PIK3CB: variants seen among roughly 807,000 people sequenced by gnomAD.
PIK3CB encodes phosphatidylinositol 4,5-bisphosphate 3-kinase catalytic subunit beta isoform.
Under a neutral mutation model 136.8 loss-of-function variants are expected in PIK3CB, and 39 were observed. The observed-to-expected ratio is 0.29, with a 90% CI of 0.22 to 0.37. The LOEUF (loss-of-function observed/expected upper bound fraction) is 0.37, where lower values mean the gene tolerates loss of function less well. Ranked by LOEUF, PIK3CB falls within the 10% of genes least tolerant of loss-of-function variation. The pLI is 1.00. For synonymous variants in PIK3CB, 428 were observed against 436.6 expected (o/e 0.98, Z 0.25); for missense variants, 868 against 1,275.4 (o/e 0.68, Z 4.87).
At chr3:138,722,500 G>A (rs1447851000) in intron 8 of PIK3CB, among the ~76,000 whole-genome samples, 4 of 151,970 alleles carry the variant, frequency 2.6e-5, no homozygotes, top group Non-Finnish European at 5.9e-5. Context: ...TTATTTTTCA[G>A]TGTTCTGGTG....
intron 14 of PIK3CB, among the ~76,000 whole-genome samples, chr3:138,693,881 G>C (rs889059577): frequency 7.2e-6 from 1 of 139,322 alleles, no homozygotes; most frequent in African/African-American, 2.7e-5. Context: ...AAGTAATCAA[G>C]ACTGGATAAG....
chr3:138,826,499 GTTTTTT>G (rs34843148), intron 1 of PIK3CB, among the ~76,000 whole-genome samples: 1 of 95,932 alleles, frequency 1.0e-5, no homozygotes, highest in Admixed American at 1.2e-4. Context: ...GACCATTTGG[GTTTTTT>G]TTTTTTTTTT....
chr3:138,790,527 G>A (rs1305572571), intron 2 of PIK3CB, among the ~76,000 whole-genome samples: 1 of 150,816 alleles, frequency 6.6e-6, no homozygotes, highest in Admixed American at 6.6e-5. Context: ...CCCTGAGACC[G>A]GGCACGGTGG....
intron 13 of PIK3CB, among the ~76,000 whole-genome samples, chr3:138,698,660 T>C (rs1262916171): frequency 6.6e-6 from 1 of 152,196 alleles, no homozygotes; most frequent in African/African-American, 2.4e-5. Flanking sequence ...TGATAGATAA[T>C]TGTCCCAAGA....
intron 8 of PIK3CB, among the ~76,000 whole-genome samples, chr3:138,731,633 C>T (rs2044975771): frequency 6.6e-6 from 1 of 152,006 alleles, no homozygotes; most frequent in South Asian, 2.1e-4. Flanking sequence ...AAGATAAAAA[C>T]AGGATTACCA....
chr3:138,677,047 T>C (rs554790961), intron 19 of PIK3CB, among the ~76,000 whole-genome samples: 1 of 147,606 alleles, frequency 6.8e-6, no homozygotes, highest in Non-Finnish European at 1.5e-5. Context: ...CCAGCTAAAC[T>C]ATTATGCAAG....
At chr3:138,697,421 G>GATTT (rs61693073) in intron 13 of PIK3CB, among the ~76,000 whole-genome samples, 8,902 of 150,860 alleles carry the variant, frequency 0.059, 619 homozygotes, top group African/African-American at 0.17. Context: ...TGTCTCCAAA[G>GATTT]ATTTATTTAT....
chr3:138,817,231 A>G (rs1018819894), intron 1 of PIK3CB, among the ~76,000 whole-genome samples: 2 of 152,130 alleles, frequency 1.3e-5, no homozygotes, highest in Admixed American at 6.5e-5. Flanking sequence ...CCAGCTACTC[A>G]GGAGGCTGAG....
At chr3:138,736,608 G>C (rs2108650486) in intron 6 of PIK3CB, among the ~76,000 whole-genome samples, 1 of 152,264 alleles carries the variant, frequency 6.6e-6, no homozygotes, top group Admixed American at 6.5e-5. Flanking sequence ...CAAGGACCTA[G>C]TCTTTAAACA....
At chr3:138,708,096 A>C (rs1402534180) in intron 10 of PIK3CB, among the ~76,000 whole-genome samples, 1 of 152,030 alleles carries the variant, frequency 6.6e-6, no homozygotes, top group Non-Finnish European at 1.5e-5. Context: ...TGTATCTCCT[A>C]AGGAAAAAAA....
chr3:138,820,644 C>A (rs551459389), intron 1 of PIK3CB, among the ~76,000 whole-genome samples: 1 of 152,112 alleles, frequency 6.6e-6, no homozygotes, highest in Non-Finnish European at 1.5e-5. Flanking sequence ...CAAGTGCGCA[C>A]CACCACACCT....
chr3:138,719,710 C>T (rs188488904), intron 8 of PIK3CB, among the ~76,000 whole-genome samples: 2 of 150,438 alleles, frequency 1.3e-5, no homozygotes, highest in East Asian at 3.9e-4. Context: ...GAAACAGCCC[C>T]ATCATCAATG....
intron 2 of PIK3CB, among the ~76,000 whole-genome samples, chr3:138,782,700 CACTT>C (rs768097263): frequency 6.6e-6 from 1 of 152,160 alleles, no homozygotes; most frequent in African/African-American, 2.4e-5. Flanking sequence ...GTTGGTGTGA[CACTT>C]ACACCTTCTC....
intron 4 of PIK3CB, among the ~76,000 whole-genome samples, chr3:138,749,710 G>A (rs141471581): frequency 1.3e-5 from 2 of 152,096 alleles, no homozygotes; most frequent in African/African-American, 4.8e-5. Flanking sequence ...CTCTTTACCT[G>A]CCAAATTCCT....
intron 2 of PIK3CB, among the ~76,000 whole-genome samples, chr3:138,794,769 G>A (rs1413837676): frequency 6.6e-6 from 1 of 152,154 alleles, no homozygotes; most frequent in Non-Finnish European, 1.5e-5. Flanking sequence ...TGGTATCTGG[G>A]GGGAATTGTT....
chr3:138,679,282 G>C (rs1036477127), intron 19 of PIK3CB, among the ~76,000 whole-genome samples: 8 of 151,880 alleles, frequency 5.3e-5, no homozygotes, highest in African/African-American at 1.9e-4. Flanking sequence ...AAATCATAAA[G>C]AGAACAAAAA....
At chr3:138,766,232 C>A (rs1484728432) in intron 2 of PIK3CB, among the ~76,000 whole-genome samples, 1 of 152,080 alleles carries the variant, frequency 6.6e-6, no homozygotes, top group East Asian at 1.9e-4. Flanking sequence ...GATAAGGCAT[C>A]CTCTCCTAAA....
intron 2 of PIK3CB, among the ~76,000 whole-genome samples, chr3:138,771,921 C>CAAAAAA (rs60381827): frequency 8.7e-6 from 1 of 114,584 alleles, no homozygotes; most frequent in East Asian, 2.3e-4. Flanking sequence ...GACTCAGTCT[C>CAAAAAA]AAAAAAAAAA....
intron 19 of PIK3CB, among the ~76,000 whole-genome samples, chr3:138,677,415 G>A (rs1313693844): frequency 6.6e-6 from 1 of 152,174 alleles, no homozygotes; most frequent in Non-Finnish European, 1.5e-5. Context: ...GAGTGAGGGA[G>A]TATGGTACAA....
Sources: gnomAD v4.1 joint callset for allele counts (sites outside exome capture counted in the v4.1 genomes callset) on GRCh38, gnomAD v4.1.1 for gene constraint, MANE v1.5 for transcripts, NCBI Gene and HGNC (gene_info 2026-07-23, HGNC 2026-07-21) for gene names.